ZNF33A: variants seen among roughly 807,000 people sequenced by gnomAD.
ZNF33A encodes the protein brain my041 protein.
A neutral mutation model predicts 15.9 loss-of-function variants in ZNF33A; 9 were observed. That is an observed-to-expected ratio of 0.57 (90% CI 0.34 to 0.99). The LOEUF (loss-of-function observed/expected upper bound fraction) is 0.99. Ranked by LOEUF, ZNF33A falls within the 50% of genes least tolerant of loss-of-function variation. The pLI is 0.02. For synonymous variants in ZNF33A, 294 were observed against 324.2 expected, an observed-to-expected ratio of 0.91 and a Z score of 1.00; for missense variants, 843 against 941.6, an observed-to-expected ratio of 0.90 and a Z score of 1.37.
intron 1 of ZNF33A, among the ~76,000 whole-genome samples, chr10:38,011,823 C>A (rs768455681): frequency 2.6e-5 from 4 of 152,084 alleles, no homozygotes; most frequent in Non-Finnish European, 4.4e-5. Flanking sequence ...CTGATTTTTT[C>A]TTTGAAGCAC....
At chr10:38,013,386 G>A (rs2064290160) in intron 2 of ZNF33A, among the ~76,000 whole-genome samples, 1 of 151,522 alleles carries the variant, frequency 6.6e-6, no homozygotes, top group African/African-American at 2.4e-5. Context: ...TGGGATTACA[G>A]GCGTGAGCCA....
At chr10:38,015,040 T>C (rs2064384564) in intron 2 of ZNF33A, among the ~76,000 whole-genome samples, 1 of 151,968 alleles carries the variant, frequency 6.6e-6, no homozygotes, top group African/African-American at 2.4e-5. Context: ...ACCTGGCTAA[T>C]GTTTTTGTAT....
chr10:38,013,963 C>T (rs2064322009), intron 2 of ZNF33A, among the ~76,000 whole-genome samples: 1 of 150,136 alleles, frequency 6.7e-6, no homozygotes, highest in Admixed American at 6.7e-5. Context: ...CAGTATCTGG[C>T]TTCAGTGGCA....
chr10:38,049,750 C>A (rs17593266), intron 4 of ZNF33A, among the ~76,000 whole-genome samples: 9,017 of 151,800 alleles, frequency 0.059, 348 homozygotes, highest in Middle Eastern at 0.095. Flanking sequence ...TAACAAAAAA[C>A]AAAATGGAGA....
intron 4 of ZNF33A, among the ~76,000 whole-genome samples, chr10:38,028,885 A>G (rs1411818603): frequency 6.6e-6 from 1 of 152,110 alleles, no homozygotes; most frequent in Non-Finnish European, 1.5e-5. Flanking sequence ...TCACATTCTA[A>G]ATTTATGAAA....
intron 4 of ZNF33A, among the ~76,000 whole-genome samples, chr10:38,040,103 C>T (rs764629896): frequency 2.0e-5 from 3 of 151,288 alleles, no homozygotes; most frequent in Non-Finnish European, 2.9e-5. Flanking sequence ...CTTATTGCTT[C>T]TTTAACTTTT....
Position 38,057,109 on chromosome 10 carries a change from ACT to A in ZNF33A, c.*552_*553del. ...TCAGATTTTACTATGGTTTGCATGC[ACT>A]CTGTGTGTGTGTGTACGTGTATGTG... On this transcript the variant is annotated 3_prime_UTR_variant, in exon 5 of 5. Transcript: ENST00000432900. 1.4e-6 allele frequency: 1 copy of A among 705,324 alleles called. No homozygotes were observed. The highest frequency in any genetic ancestry group is 1.7e-6 in the Non-Finnish European group (1 of 573,714). 43.7% of individuals were successfully genotyped at this position (705,324 alleles called of 1,614,324 possible).
At chr10:38,061,843 G>T (rs1170152259), downstream of ZNF33A, among the ~76,000 whole-genome samples, 1 of 152,162 alleles carries the variant, frequency 6.6e-6, no homozygotes, top group Admixed American at 6.5e-5. Context: ...TGTAATCCCA[G>T]CTAGTTGGGA....
At position 38,055,445 on chromosome 10, in the gene ZNF33A, T is replaced by A; in HGVS notation, c.1321T>A (p.Tyr441Asn). 1.9e-6 allele frequency: 3 copies of A among 1,614,056 alleles called. No individual in the cohort carries two copies. Among genetic ancestry groups the A allele is most frequent in the Non-Finnish European group, 2.5e-6 (3 of 1,180,006 alleles). Residue 441 changes from tyrosine (Y) to asparagine (N), a missense_variant, in exon 5 of 5, where the codon TAT becomes AAT. Tyr to Asn is a moderately radical substitution (Grantham distance 143). Transcript: ENST00000432900. ...HQRTHTGLKP[Y>N]ECYECGKSFR... ...GAGAACACACACAGGGCTGAAACCCTATGAATGTTATGAATGTGGAAAATC... is the reference window on the plus strand; with the variant it reads ...GAGAACACACACAGGGCTGAAACCCAATGAATGTTATGAATGTGGAAAATC...
chr10:38,041,948 C>T (rs1057510348), intron 4 of ZNF33A, among the ~76,000 whole-genome samples: 18 of 152,052 alleles, frequency 1.2e-4, no homozygotes, highest in African/African-American at 4.3e-4. Context: ...GACCCATCTT[C>T]TTAAGTTTCC....
At position 38,026,652 on chromosome 10, in the gene ZNF33A, G is replaced by A. The variant is rs7907105; in HGVS notation, c.250+9266G>A. On this transcript the variant is annotated intron_variant, in intron 4 of 4. Transcript: ENST00000432900. ...GCCTTAACTTACTTTTTCTTTTGTT[G>A]CTCGTGCATTTTATGTCATAGGTAA... is the stretch of plus-strand genomic sequence containing the variant. Among the ~76,000 whole-genome samples, 999 of 152,248 alleles carry A rather than the reference G, an allele frequency of 6.6e-3. 9 individuals carry two copies. The highest frequency in any genetic ancestry group is 0.023 in the African/African-American group (962 of 41,558).
intron 2 of ZNF33A, 106 bp from the exon 3 acceptor site, chr10:38,016,763 TTC>T (rs1228803902): frequency 1.5e-5 from 20 of 1,306,926 alleles, no homozygotes; most frequent in Non-Finnish European, 2.0e-5. Flanking sequence ...CTGTTATGAT[TTC>T]TTTTTCCCTA....
intron 4 of ZNF33A, among the ~76,000 whole-genome samples, chr10:38,048,732 C>G (rs2066067439): frequency 6.6e-6 from 1 of 151,974 alleles, no homozygotes; most frequent in African/African-American, 2.4e-5. Flanking sequence ...TTTAACAATC[C>G]TAAGCTTTAG....
At chr10:38,061,358 G>A (rs1300893839), downstream of ZNF33A, among the ~76,000 whole-genome samples, 2 of 152,110 alleles carry the variant, frequency 1.3e-5, no homozygotes, top group Non-Finnish European at 2.9e-5. Context: ...ATGCATGGTG[G>A]CCCATGGTCC....
chr10:38,045,434 A>G (rs1171082810), intron 4 of ZNF33A, among the ~76,000 whole-genome samples: 1 of 152,150 alleles, frequency 6.6e-6, no homozygotes, highest in Non-Finnish European at 1.5e-5. Context: ...ATTGTTTTCA[A>G]CACTGTCCTG....
chr10:38,014,693 G>A (rs1374100157), intron 2 of ZNF33A, among the ~76,000 whole-genome samples: 3 of 152,264 alleles, frequency 2.0e-5, no homozygotes, highest in South Asian at 4.1e-4. Context: ...TCTGTTGGTT[G>A]GTTGTGCCAG....
At chr10:38,029,748 T>C (rs1396979237) in intron 4 of ZNF33A, among the ~76,000 whole-genome samples, 1 of 152,198 alleles carries the variant, frequency 6.6e-6, no homozygotes, top group African/African-American at 2.4e-5. Context: ...ATATGGTTTC[T>C]GCCATTTAAG....
chr10:38,054,526 T>G lies in ZNF33A; in HGVS notation c.402T>G (p.Pro134=). ...IPFNVDVSSF[P]SRKMFCQCDS... is the part of the protein sequence containing the mutation. The stretch of plus-strand genomic sequence containing the variant: ...TTAATGTGGATGTAAGTTCTTTTCC[T>G]TCCAGAAAAATGTTCTGTCAGTGTG... Residue 134 remains proline, a synonymous_variant, in exon 5 of 5, where the codon CCT becomes CCG. Transcript: ENST00000432900. The G allele has an allele frequency of 6.2e-7, 1 of 1,612,814 alleles. No homozygotes were observed. The highest frequency in any genetic ancestry group is 8.5e-7 in the Non-Finnish European group (1 of 1,179,600).
At chr10:38,018,932 A>G (rs2135556112) in intron 4 of ZNF33A, among the ~76,000 whole-genome samples, 1 of 152,084 alleles carries the variant, frequency 6.6e-6, no homozygotes, top group Admixed American at 6.5e-5. Context: ...AAAACCAAAG[A>G]CAAAAATTTT....
Sources: allele counts gnomAD v4.1 joint callset (sites outside exome capture counted in the v4.1 genomes callset), GRCh38; gene constraint gnomAD v4.1.1; transcripts MANE v1.5; gene names NCBI Gene and HGNC (gene_info 2026-07-23, HGNC 2026-07-21).